Variants in ZBTB20 observed in about 807,000 individuals in gnomAD.
ZBTB20 encodes zinc finger and BTB domain containing 20.
Under a neutral mutation model 56.9 loss-of-function variants are expected in ZBTB20, and 9 were observed. The observed-to-expected ratio is 0.16, with a 90% CI of 0.10 to 0.28. The LOEUF (loss-of-function observed/expected upper bound fraction) is 0.28. Among genes scored for constraint, ZBTB20 ranks in the 10% least tolerant of loss-of-function variants. The probability of loss-of-function intolerance (pLI) is 1.00; values close to 1 mark genes in which losing one functional copy is unlikely to be tolerated. For missense variants in ZBTB20, 655 were observed against 1,003.0 expected (o/e 0.65, Z 4.69); for synonymous variants, 417 against 420.7 (o/e 0.99, Z 0.11).
chr3:114,825,877 C>T (rs1287765456), intron 4 of ZBTB20, among the ~76,000 whole-genome samples: 3 of 151,604 alleles, frequency 2.0e-5, no homozygotes, highest in Non-Finnish European at 3.0e-5. Context: ...TCGCTGGGGT[C>T]TTAATTTTTT....
At chr3:115,142,882 A>G (rs946177845) in intron 1 of ZBTB20, among the ~76,000 whole-genome samples, 17 of 152,164 alleles carry the variant, frequency 1.1e-4, no homozygotes, top group African/African-American at 4.1e-4. Context: ...TGTAGGTATA[A>G]GCGTGACAAA....
At chr3:114,940,797 T>G (rs982987666) in intron 3 of ZBTB20, among the ~76,000 whole-genome samples, 4 of 146,282 alleles carry the variant, frequency 2.7e-5, no homozygotes, top group Non-Finnish European at 5.9e-5. Context: ...CTCTTTATAA[T>G]TCAGTAAGTT....
At chr3:114,566,100 C>T (rs750647976) in intron 6 of ZBTB20, among the ~76,000 whole-genome samples, 8 of 151,682 alleles carry the variant, frequency 5.3e-5, no homozygotes, top group Admixed American at 2.0e-4. Flanking sequence ...GCACTTCCCC[C>T]CTATACTCTT....
chr3:114,920,343 T>C (rs140574955), intron 3 of ZBTB20, among the ~76,000 whole-genome samples: 58 of 152,230 alleles, frequency 3.8e-4, no homozygotes, highest in Middle Eastern at 3.4e-3. Flanking sequence ...CAAGTGCACA[T>C]GGAACAGTCT....
At chr3:114,549,017 T>C (rs1334965952) in intron 6 of ZBTB20, among the ~76,000 whole-genome samples, 1 of 152,220 alleles carries the variant, frequency 6.6e-6, no homozygotes, top group Non-Finnish European at 1.5e-5. Flanking sequence ...GAAAGCCTCT[T>C]AATATACTAA....
chr3:114,480,704 C>T (rs932628817), intron 7 of ZBTB20, among the ~76,000 whole-genome samples: 1 of 152,146 alleles, frequency 6.6e-6, no homozygotes, highest in African/African-American at 2.4e-5. Context: ...GATTACTCAA[C>T]TTGTTGGCTG....
intron 5 of ZBTB20, among the ~76,000 whole-genome samples, chr3:114,734,319 G>T (rs1471803145): frequency 6.6e-6 from 1 of 151,842 alleles, no homozygotes; most frequent in Non-Finnish European, 1.5e-5. Context: ...AGTTAATTAT[G>T]TACAATAAGA....
intron 6 of ZBTB20, among the ~76,000 whole-genome samples, chr3:114,655,067 G>A (rs2060321835): frequency 6.6e-6 from 1 of 151,820 alleles, no homozygotes; most frequent in Admixed American, 6.6e-5. Context: ...AGCATATGTT[G>A]ACTCTTGCCT....
intron 5 of ZBTB20, among the ~76,000 whole-genome samples, chr3:114,781,889 A>G (rs1277668296): frequency 2.0e-5 from 3 of 151,952 alleles, no homozygotes; most frequent in Non-Finnish European, 4.4e-5. Context: ...TGTGACTTTC[A>G]CCTTCCGCCA....
At chr3:115,145,034 C>T (rs1199508349) in intron 1 of ZBTB20, 1 of 152,168 alleles carries the variant, frequency 6.6e-6, no homozygotes, top group Admixed American at 6.5e-5. Flanking sequence ...ACCTAAGGCC[C>T]TCCAAAATTG....
intron 7 of ZBTB20, among the ~76,000 whole-genome samples, chr3:114,420,829 T>G (rs545449494): frequency 2.0e-5 from 3 of 152,302 alleles, no homozygotes; most frequent in African/African-American, 7.2e-5. Context: ...ACTCTATAAC[T>G]GAATAACAGA....
chr3:114,615,957 G>GCAAT (rs1026824075), intron 6 of ZBTB20, among the ~76,000 whole-genome samples: 43 of 152,314 alleles, frequency 2.8e-4, no homozygotes, highest in Admixed American at 2.7e-3. Flanking sequence ...TCTTTGCCAT[G>GCAAT]CAATGTACAC....
intron 6 of ZBTB20, among the ~76,000 whole-genome samples, chr3:114,577,553 G>A (rs942063818): frequency 2.0e-5 from 3 of 152,184 alleles, no homozygotes; most frequent in African/African-American, 7.2e-5. Context: ...AGCAGCCCAT[G>A]GTGCTGAAGC....
At position 115,043,379 on chromosome 3, in the gene ZBTB20, T is replaced by G. The variant is rs2081216175; in HGVS notation, c.-507+27840A>C. ...TTTGAAACCAGCCTGGCCAACATGG[T>G]GAAACCCCATCTCTACTAAAAACTA... is the stretch of plus-strand genomic sequence containing the variant. On this transcript the variant is annotated intron_variant, in intron 2 of 11. Coordinates refer to ENST00000675478, the MANE Select transcript of ZBTB20 (RefSeq NM_001348800.3). 3.3e-5 allele frequency among the ~76,000 whole-genome samples: 5 copies of G among 149,474 alleles called. No homozygotes were observed. The South Asian group carries it at 1.1e-3, about 32-fold the overall frequency.
chr3:114,573,492 A>G (rs2053662685), intron 6 of ZBTB20, among the ~76,000 whole-genome samples: 1 of 151,174 alleles, frequency 6.6e-6, no homozygotes, highest in African/African-American at 2.4e-5. Context: ...AAAGACAGAA[A>G]GAAAGATGAA....
intron 1 of ZBTB20, among the ~76,000 whole-genome samples, chr3:115,125,200 G>A (rs2084292408): frequency 6.6e-6 from 1 of 151,896 alleles, no homozygotes; most frequent in African/African-American, 2.4e-5. Flanking sequence ...AAAATTAACT[G>A]AGCATGGTGG....
At chr3:114,988,154 T>A (rs2078631282) in intron 2 of ZBTB20, among the ~76,000 whole-genome samples, 1 of 151,406 alleles carries the variant, frequency 6.6e-6, no homozygotes, top group African/African-American at 2.4e-5. Flanking sequence ...TGTGCAGGTT[T>A]GCTACATATG....
chr3:114,736,626 T>A (rs1242167549), intron 5 of ZBTB20, among the ~76,000 whole-genome samples: 1 of 152,122 alleles, frequency 6.6e-6, no homozygotes, highest in Non-Finnish European at 1.5e-5. Context: ...CATAAGAGAA[T>A]TTACTGGGAC....
At chr3:114,837,810 G>A (rs567769587) in intron 4 of ZBTB20, among the ~76,000 whole-genome samples, 1 of 152,192 alleles carries the variant, frequency 6.6e-6, no homozygotes, top group South Asian at 2.1e-4. Flanking sequence ...TAGAGGATGT[G>A]GAGATCAGGT....
Sources: gnomAD v4.1 joint callset for allele counts (sites outside exome capture counted in the v4.1 genomes callset) on GRCh38, gnomAD v4.1.1 for gene constraint, MANE v1.5 for transcripts, NCBI Gene and HGNC (gene_info 2026-07-23, HGNC 2026-07-21) for gene names.